Variants in DPT observed in about 807,000 individuals in gnomAD.
DPT encodes the protein tyrosine-rich acidic matrix protein.
DPT carries 21 observed loss-of-function variants against 31.2 expected under a neutral mutation model. That is an observed-to-expected ratio of 0.67 (90% CI 0.48 to 0.97). The LOEUF (loss-of-function observed/expected upper bound fraction) is 0.97. DPT is among the 50% of genes least tolerant of loss of function. The pLI, the probability that DPT is intolerant of heterozygous loss-of-function variation, is 0.00. For synonymous variants in DPT, 91 were observed against 86.9 expected, an observed-to-expected ratio of 1.05 and a Z score of -0.26; for missense variants, 262 against 258.8, an observed-to-expected ratio of 1.01 and a Z score of -0.08.
chr1:168,723,006 C>T (rs553721), intron 1 of DPT, among the ~76,000 whole-genome samples: 57,827 of 151,920 alleles, frequency 0.38, 12,081 homozygotes, highest in East Asian at 0.64. Flanking sequence ...GAGCAGCCAA[C>T]AACCATTTTT....
chr1:168,698,346 G>A (rs1649510731), intron 3 of DPT, among the ~76,000 whole-genome samples: 1 of 152,158 alleles, frequency 6.6e-6, no homozygotes. Flanking sequence ...GTCAAAAGAG[G>A]TCATAGATTG....
chr1:168,701,559 A>G (rs1353299851), intron 2 of DPT, among the ~76,000 whole-genome samples: 2 of 152,226 alleles, frequency 1.3e-5, no homozygotes, highest in Non-Finnish European at 2.9e-5. Flanking sequence ...CATGCATCAC[A>G]TGCAGTAAGG....
chr1:168,717,176 G>A (rs1279482372), intron 1 of DPT, among the ~76,000 whole-genome samples: 2 of 152,202 alleles, frequency 1.3e-5, no homozygotes, highest in African/African-American at 4.8e-5. Flanking sequence ...GACCAACAGT[G>A]TAAAAGAATT....
intron 2 of DPT, among the ~76,000 whole-genome samples, chr1:168,704,453 A>T (rs1447828925): frequency 6.6e-6 from 1 of 152,260 alleles, no homozygotes; most frequent in Admixed American, 6.5e-5. Context: ...ACTGCTGTGC[A>T]GGAGAATGGC....
chr1:168,696,256 C>T lies in DPT; in HGVS notation c.*293G>A, dbSNP rs558300548. 39 of 431,560 alleles carry T rather than the reference C, an allele frequency of 9.0e-5. No individual in the cohort carries two copies. The highest frequency in any genetic ancestry group is 1.6e-4 in the Admixed American group (4 of 25,168). 26.7% of individuals were successfully genotyped at this position (431,560 alleles called of 1,614,324 possible). A position where few individuals can be genotyped will look rare whatever the true frequency, so the allele number is the denominator to read the frequency against. On this transcript the variant is annotated 3_prime_UTR_variant, in exon 4 of 4. Transcript: ENST00000367817. ...GGCTGCAGCTGGTGCTCCAGAAGCC[C>T]GGCTGTAAGCATGCGCACTGTATAT...
rs139513961 is a variant in DPT, at chr1:168,729,001, G to A, written c.174C>T (p.Ala58=). 4.2e-5 allele frequency: 67 copies of A among 1,614,008 alleles called. No homozygotes were observed. Among genetic ancestry groups the A allele is most frequent in the South Asian group, 1.4e-4 (13 of 91,080 alleles). Residue 58 remains alanine, a synonymous_variant, in exon 1 of 4, where the codon GCC becomes GCT. Coordinates refer to ENST00000367817, the MANE Select transcript of DPT (RefSeq NM_001937.5). ...YQCPQGQVIV[A]VRSIFSKKEG... ...CCTTCTTGCTGAAGATGCTCCTCACGGCCACTATCACCTGCCCCTGGGGAC... is the reference window on the plus strand; with the variant it reads ...CCTTCTTGCTGAAGATGCTCCTCACAGCCACTATCACCTGCCCCTGGGGAC...
chr1:168,706,101 A>G (rs1649712417), intron 2 of DPT, among the ~76,000 whole-genome samples: 1 of 152,222 alleles, frequency 6.6e-6, no homozygotes, highest in South Asian at 2.1e-4. Flanking sequence ...TCAGCACTAT[A>G]TATTTAGCAA....
At chr1:168,708,983 C>G (rs1326998979) in intron 2 of DPT, among the ~76,000 whole-genome samples, 3 of 152,188 alleles carry the variant, frequency 2.0e-5, no homozygotes, top group African/African-American at 7.2e-5. Flanking sequence ...AAAAAAAGCA[C>G]TCTCTGGCTT....
At chr1:168,698,089 A>G (rs1425365635) in intron 3 of DPT, among the ~76,000 whole-genome samples, 1 of 152,198 alleles carries the variant, frequency 6.6e-6, no homozygotes, top group Non-Finnish European at 1.5e-5. Flanking sequence ...ATTTATCCTA[A>G]ACACTATGAC....
chr1:168,705,504 T>C (rs2101901561), intron 2 of DPT, among the ~76,000 whole-genome samples: 1 of 152,306 alleles, frequency 6.6e-6, no homozygotes, highest in East Asian at 1.9e-4. Flanking sequence ...CATTTACATA[T>C]GAACAGATCA....
chr1:168,708,650 G>T (rs6672713), intron 2 of DPT, among the ~76,000 whole-genome samples: 22,052 of 152,162 alleles, frequency 0.14, 2,233 homozygotes, highest in African/African-American at 0.29. Context: ...CATGCGCCAG[G>T]TTGGTGTGCT....
intron 2 of DPT, among the ~76,000 whole-genome samples, chr1:168,708,196 T>C (rs936204747): frequency 3.3e-5 from 5 of 152,160 alleles, no homozygotes; most frequent in Non-Finnish European, 7.3e-5. Context: ...GTTATTTTTA[T>C]TTTTATTGTT....
At chr1:168,711,841 A>T (rs1391904438) in intron 2 of DPT, among the ~76,000 whole-genome samples, 1 of 152,248 alleles carries the variant, frequency 6.6e-6, no homozygotes, top group African/African-American at 2.4e-5. Context: ...AACAAAAAGT[A>T]GCCTGAAGTC....
chr1:168,718,676 C>T (rs924968854), intron 1 of DPT, among the ~76,000 whole-genome samples: 19 of 152,196 alleles, frequency 1.2e-4, no homozygotes, highest in East Asian at 3.9e-4. Flanking sequence ...ATCATCTGGG[C>T]GGGTTTCGTG....
At chr1:168,716,919 G>A (rs1649998817) in intron 1 of DPT, among the ~76,000 whole-genome samples, 5 of 152,182 alleles carry the variant, frequency 3.3e-5, no homozygotes, top group Admixed American at 3.3e-4. Context: ...ATTCCATGGT[G>A]TATATGTACC....
At chr1:168,719,989 A>G (rs1053068929) in intron 1 of DPT, among the ~76,000 whole-genome samples, 1 of 152,178 alleles carries the variant, frequency 6.6e-6, no homozygotes, top group Non-Finnish European at 1.5e-5. Flanking sequence ...GATTTATCTC[A>G]GGGTCATCAC....
intron 2 of DPT, among the ~76,000 whole-genome samples, chr1:168,704,703 C>T (rs1174552496): frequency 2.6e-5 from 4 of 152,164 alleles, no homozygotes; most frequent in Non-Finnish European, 4.4e-5. Flanking sequence ...GAGAGTTGTT[C>T]CAAAGCTAAG....
rs879654783 is a variant in DPT, at chr1:168,710,905, C to T, written c.431+3316G>A. Among the ~76,000 whole-genome samples, 174 of 152,108 alleles carry T rather than the reference C, an allele frequency of 1.1e-3. 2 individuals carry two copies. The highest frequency in any genetic ancestry group is 8.5e-4 in the African/African-American group (35 of 41,418). ...TGTTAACACAGATCCCACAGATCCACGGAATATGGGAATTCCAGGAAAATT... is the reference window on the plus strand; with the variant it reads ...TGTTAACACAGATCCCACAGATCCATGGAATATGGGAATTCCAGGAAAATT... On this transcript the variant is annotated intron_variant, in intron 2 of 3. Coordinates refer to ENST00000367817, the MANE Select transcript of DPT (RefSeq NM_001937.5).
At position 168,728,936 on chromosome 1, in the gene DPT, G is replaced by C; in HGVS notation, c.239C>G (p.Thr80Arg). Residue 80 changes from threonine to arginine, a missense_variant, in exon 1 of 4, where the codon ACG becomes AGG. By Grantham distance (71) the Thr-to-Arg change is moderately conservative. Transcript: ENST00000367817. ...CGTGGGTTCCCCGAGGCTCTGTGGCGTGGGCATGCAGGCGTAGTTCCATTG... is the reference window on the plus strand; with the variant it reads ...CGTGGGTTCCCCGAGGCTCTGTGGCCTGGGCATGCAGGCGTAGTTCCATTG... Reference protein sequence around the residue: ...DRQWNYACMPTPQSLGEPTEC... With the variant: ...DRQWNYACMPRPQSLGEPTEC... 1 of 1,614,194 alleles carries C rather than the reference G, an allele frequency of 6.2e-7. No individual in the cohort carries two copies. Among genetic ancestry groups the C allele is most frequent in the Non-Finnish European group, 8.5e-7 (1 of 1,180,030 alleles).
Sources: gnomAD v4.1 joint callset for allele counts (sites outside exome capture counted in the v4.1 genomes callset) on GRCh38, gnomAD v4.1.1 for gene constraint, MANE v1.5 for transcripts, NCBI Gene and HGNC (gene_info 2026-07-23, HGNC 2026-07-21) for gene names.